Variants in C1orf198 observed in about 807,000 individuals in gnomAD.
C1orf198 encodes uncharacterized protein C1orf198.
C1orf198 carries 17 observed loss-of-function variants against 31.4 expected under a neutral mutation model. The ratio of observed to expected loss-of-function variants is 0.54; its 90% CI spans 0.37 to 0.81. The LOEUF (loss-of-function observed/expected upper bound fraction) is 0.81. C1orf198 is among the 40% of genes least tolerant of loss of function. C1orf198 has a pLI of 0.00. For synonymous variants in C1orf198, 175 were observed against 193.8 expected (o/e 0.90, Z 0.81); for missense variants, 401 against 450.3 (o/e 0.89, Z 0.99).
chr1:230,839,985 A>C, intron 3 of C1orf198, 77 bp from the exon 4 acceptor site: 111 of 1,299,616 alleles, frequency 8.5e-5, no homozygotes, highest in Non-Finnish European at 1.2e-4. Context: ...ACAGCATCTC[A>C]TTTAAAACGA....
At chr1:230,849,059 T>C (rs1012642192) in intron 2 of C1orf198, among the ~76,000 whole-genome samples, 3 of 152,208 alleles carry the variant, frequency 2.0e-5, no homozygotes, top group African/African-American at 4.8e-5. Flanking sequence ...ATGCAGACCA[T>C]AGGAAGGCAG....
At chr1:230,846,304 A>G (rs1379758538) in intron 2 of C1orf198, among the ~76,000 whole-genome samples, 2 of 151,950 alleles carry the variant, frequency 1.3e-5, no homozygotes, top group African/African-American at 4.8e-5. Context: ...ATAATTTAAA[A>G]CTCCCTGTGC....
intron 1 of C1orf198, among the ~76,000 whole-genome samples, chr1:230,860,962 A>G (rs1246124221): frequency 6.6e-6 from 1 of 152,228 alleles, no homozygotes; most frequent in Non-Finnish European, 1.5e-5. Context: ...AAGTGGAAGA[A>G]GCCAATCTAA....
intron 1 of C1orf198, among the ~76,000 whole-genome samples, chr1:230,860,229 G>A (rs2102990370): frequency 6.6e-6 from 1 of 152,162 alleles, no homozygotes; most frequent in South Asian, 2.1e-4. Flanking sequence ...GGTAGGATGT[G>A]GAGGCACTGG....
At chr1:230,867,481 C>A (rs1670146893) in intron 1 of C1orf198, among the ~76,000 whole-genome samples, 1 of 152,156 alleles carries the variant, frequency 6.6e-6, no homozygotes, top group African/African-American at 2.4e-5. Flanking sequence ...CTTACTGGAG[C>A]TCATTTAAAC....
Position 230,857,309 on chromosome 1 carries a change from C to T in C1orf198, c.334-1591G>A, listed in dbSNP as rs748706999. Among the ~76,000 whole-genome samples, 45 of 152,286 alleles carry T rather than the reference C, an allele frequency of 3.0e-4. No individual in the cohort carries two copies. The highest frequency in any genetic ancestry group is 3.4e-3 in the Middle Eastern group (1 of 294). On this transcript the variant is annotated intron_variant, in intron 1 of 3. Coordinates refer to ENST00000366663, the MANE Select transcript of C1orf198 (RefSeq NM_032800.3). This position sits in a 1 kb window ranked among gnomAD's most constrained non-coding sequence, Gnocchi z 4.2. Reference sequence around the variant, plus strand: ...TGTCCGCTTCTCTATCCCAAGTGCCCGGAAGACTCAGCGACTGCCCGTAGC... The same window carrying T: ...TGTCCGCTTCTCTATCCCAAGTGCCTGGAAGACTCAGCGACTGCCCGTAGC...
rs1171369451 is a variant in C1orf198, at chr1:230,857,019, C to G, written c.334-1301G>C. ...CACTGGGGGCAAATGCCAGGGCCCA[C>G]GCAGGGGGAGTGCCTCACCAACACA... On this transcript the variant is annotated intron_variant, in intron 1 of 3. Transcript: ENST00000366663. The surrounding 1 kb of genome is among the most constrained non-coding windows in gnomAD (Gnocchi z 4.2). 6.6e-6 allele frequency among the ~76,000 whole-genome samples: 1 copy of G among 152,192 alleles called. No homozygotes were observed. Among genetic ancestry groups the G allele is most frequent in the African/African-American group, 2.4e-5 (1 of 41,446 alleles).
intron 1 of C1orf198, among the ~76,000 whole-genome samples, chr1:230,866,898 T>A (rs1227597354): frequency 6.6e-6 from 1 of 152,310 alleles, no homozygotes; most frequent in South Asian, 2.1e-4. Context: ...GAATTTGAAG[T>A]CCAGTAGAGA....
rs148642269 is a variant in C1orf198, at chr1:230,844,199, G to A, written c.385-303C>T. On this transcript the variant is annotated intron_variant, in intron 2 of 3. Coordinates refer to ENST00000366663, the MANE Select transcript of C1orf198 (RefSeq NM_032800.3). ...GTGCTGGAGGTGAGGCCTCGTGGGA[G>A]GTGTCTGGATCACAGGGGCGGATGT... Among the ~76,000 whole-genome samples, 349 of 152,198 alleles carry A rather than the reference G, an allele frequency of 2.3e-3. 1 individual carries two copies. The highest frequency in any genetic ancestry group is 0.015 in the South Asian group (70 of 4,806).
At position 230,868,515 on chromosome 1, in the gene C1orf198, C is replaced by A; in HGVS notation, c.-3G>T. 1 of 1,336,406 alleles carries A rather than the reference C, an allele frequency of 7.5e-7. No individual in the cohort carries two copies. The highest frequency in any genetic ancestry group is 9.7e-7 in the Non-Finnish European group (1 of 1,035,708). The allele number at this position is 1,336,406 out of a possible 1,614,324, so 82.8% of individuals were successfully genotyped here. A position where few individuals can be genotyped will look rare whatever the true frequency, so the allele number is the denominator to read the frequency against. ...ATCGCCGCCGCCATGGACGCCATGC[C>A]CGGCCTGCCCGCCGCTCCCGGCCCG... On this transcript the variant is annotated 5_prime_UTR_variant, in exon 1 of 4. Transcript: ENST00000366663.
chr1:230,844,010 CACG>C, intron 2 of C1orf198, 114 bp from the exon 3 acceptor site: 1 of 1,130,040 alleles, frequency 8.8e-7, no homozygotes, highest in Non-Finnish European at 1.2e-6. Context: ...ACCAGCCACA[CACG>C]AGTTGTTGCC....
At chr1:230,850,508 T>C (rs1010872981) in intron 2 of C1orf198, among the ~76,000 whole-genome samples, 1 of 152,070 alleles carries the variant, frequency 6.6e-6, no homozygotes, top group Non-Finnish European at 1.5e-5. Context: ...CAAGAGAACA[T>C]GGTCCCTGAG....
chr1:230,855,568 A>C, intron 2 of C1orf198, 100 bp downstream of exon 2: 1 of 1,305,622 alleles, frequency 7.7e-7, no homozygotes, highest in Non-Finnish European at 1.1e-6. Flanking sequence ...CCTGGCAGTC[A>C]GGGGGCTGTC....
intron 3 of C1orf198, among the ~76,000 whole-genome samples, chr1:230,842,703 C>G (rs564638420): frequency 1.5e-4 from 22 of 151,456 alleles, no homozygotes; most frequent in Non-Finnish European, 3.1e-4. Flanking sequence ...ACTTATGTCA[C>G]CAAATACCAC....
chr1:230,860,817 A>G (rs1202575), intron 1 of C1orf198, among the ~76,000 whole-genome samples: 83,115 of 151,322 alleles, frequency 0.55, 24,049 homozygotes, highest in South Asian at 0.74. Flanking sequence ...TGATGATTGC[A>G]CAACATTGAG....
chr1:230,858,946 A>G (rs1470899035), intron 1 of C1orf198, among the ~76,000 whole-genome samples: 1 of 152,174 alleles, frequency 6.6e-6, no homozygotes, highest in East Asian at 1.9e-4. Context: ...AAAGGGTCAC[A>G]CTGTGATTTC....
chr1:230,868,322 G>A lies in C1orf198; in HGVS notation c.191C>T (p.Ala64Val), dbSNP rs1292070097. The A allele has an allele frequency of 3.1e-6, 5 of 1,595,894 alleles. No homozygotes were observed. Among genetic ancestry groups the A allele is most frequent in the Non-Finnish European group, 3.4e-6 (4 of 1,172,260 alleles). ...YGPEWARLPP[A>V]QQDEIIDRCL... is the part of the protein sequence containing the mutation. ...CCGGTCGATGATCTCGTCCTGCTGC[G>A]CGGGCGGCAGCCGCGCCCACTCGGG... is the stretch of plus-strand genomic sequence containing the variant. Residue 64 changes from alanine to valine, a missense_variant, in exon 1 of 4, where the codon GCG becomes GTG. Ala to Val is a moderately conservative substitution (Grantham distance 64, BLOSUM62 0). Transcript: ENST00000366663.
At chr1:230,867,634 T>C (rs1205407075) in intron 1 of C1orf198, among the ~76,000 whole-genome samples, 2 of 152,210 alleles carry the variant, frequency 1.3e-5, no homozygotes, top group Non-Finnish European at 2.9e-5. Flanking sequence ...CTTTTCTTCC[T>C]TGTTACCTGG....
chr1:230,841,364 C>T (rs1669436868), intron 3 of C1orf198, among the ~76,000 whole-genome samples: 1 of 152,214 alleles, frequency 6.6e-6, no homozygotes, highest in Non-Finnish European at 1.5e-5. Flanking sequence ...CACGTGCAGC[C>T]ATCTGCCGAG....
Sources: gnomAD v4.1 joint callset for allele counts (sites outside exome capture counted in the v4.1 genomes callset) on GRCh38, gnomAD v4.1.1 for gene constraint, Gnocchi (gnomAD v3.1) non-coding constraint, MANE v1.5 for transcripts, NCBI Gene and HGNC (gene_info 2026-07-23, HGNC 2026-07-21) for gene names.